The following ANK2 variants were observed in gnomAD, a reference collection of about 807,000 sequenced individuals.
The protein encoded by ANK2 is ankyrin 2.
Under a neutral mutation model 360.5 loss-of-function variants are expected in ANK2, and 83 were observed. That is an observed-to-expected ratio of 0.23 (90% CI 0.19 to 0.28). The LOEUF (loss-of-function observed/expected upper bound fraction) is 0.28. Among genes scored for constraint, ANK2 ranks in the 10% least tolerant of loss-of-function variants. The pLI, the probability that ANK2 is intolerant of heterozygous loss-of-function variation, is 1.00. For missense variants in ANK2, 4,201 were observed against 4,795.7 expected (o/e 0.88, Z 3.66); for synonymous variants, 1,740 against 1,759.5 (o/e 0.99, Z 0.28).
chr4:113,276,574 T>C (rs1195312620), intron 15 of ANK2, among the ~76,000 whole-genome samples: 2 of 152,094 alleles, frequency 1.3e-5, no homozygotes, highest in East Asian at 3.9e-4. Flanking sequence ...ATTGTGTGCA[T>C]TGAGTGGAGG....
At chr4:113,119,252 T>A (rs2095151967) in intron 1 of ANK2, among the ~76,000 whole-genome samples, 2 of 152,140 alleles carry the variant, frequency 1.3e-5, no homozygotes, top group Non-Finnish European at 1.5e-5. Context: ...GTTCCTCTTT[T>A]TTCATGTGCA....
the ANK2 span, among the ~76,000 whole-genome samples, chr4:112,736,673 A>C: frequency 1.1e-4 from 17 of 152,218 alleles, 1 homozygote; most frequent in South Asian, 3.3e-3. Flanking sequence ...CCTTGCAATC[A>C]CACTATTTCA....
the ANK2 span, among the ~76,000 whole-genome samples, chr4:112,810,330 C>T: frequency 6.6e-6 from 1 of 151,384 alleles, no homozygotes; most frequent in South Asian, 2.1e-4. Context: ...TAACTGAGCA[C>T]AATACTTTTA....
At chr4:112,763,292 G>T in the ANK2 span, among the ~76,000 whole-genome samples, 1 of 150,528 alleles carries the variant, frequency 6.6e-6, no homozygotes, top group Non-Finnish European at 1.5e-5. Context: ...TGCAGTGGGC[G>T]ATCTCCGCTC....
the ANK2 span, among the ~76,000 whole-genome samples, chr4:112,800,025 T>G: frequency 6.6e-6 from 1 of 152,082 alleles, no homozygotes; most frequent in Non-Finnish European, 1.5e-5. Flanking sequence ...GAAAATAATC[T>G]AGGAAGCAAT....
At chr4:113,101,746 G>T (rs908684835) in intron 1 of ANK2, among the ~76,000 whole-genome samples, 4 of 152,126 alleles carry the variant, frequency 2.6e-5, no homozygotes, top group Admixed American at 2.0e-4. Flanking sequence ...GAGGACACAG[G>T]TTTGTATAAG....
chr4:113,172,172 G>A (rs2097991334), intron 1 of ANK2, among the ~76,000 whole-genome samples: 1 of 152,170 alleles, frequency 6.6e-6, no homozygotes, highest in African/African-American at 2.4e-5. Context: ...GCATATAGAG[G>A]GGTGATAGTT....
chr4:112,839,097 A>C (rs1003850763), intron 1 of ANK2, among the ~76,000 whole-genome samples: 1 of 152,152 alleles, frequency 6.6e-6, no homozygotes, highest in Admixed American at 6.5e-5. Context: ...CTGTCCATGA[A>C]GACATTTTGC....
chr4:113,183,892 T>C (rs922293159), intron 2 of ANK2, among the ~76,000 whole-genome samples: 1 of 150,530 alleles, frequency 6.6e-6, no homozygotes, highest in Non-Finnish European at 1.5e-5. Context: ...AGGAATGGCA[T>C]CAAGAGGATA....
chr4:113,182,491 G>A (rs971593461), intron 2 of ANK2, among the ~76,000 whole-genome samples: 1 of 152,188 alleles, frequency 6.6e-6, no homozygotes, highest in Admixed American at 6.5e-5. Context: ...AGGTTCAGGG[G>A]CTTGGCCCTG....
chr4:113,277,638 A>C (rs1312463097), intron 15 of ANK2, among the ~76,000 whole-genome samples, 199 bp from the exon 16 acceptor site: 1 of 152,228 alleles, frequency 6.6e-6, no homozygotes, highest in Non-Finnish European at 1.5e-5. Flanking sequence ...TCTTTTATTC[A>C]GTCTATCAAG....
chr4:113,304,896 A>G (rs1436803277), intron 23 of ANK2, among the ~76,000 whole-genome samples: 2 of 152,184 alleles, frequency 1.3e-5, no homozygotes, highest in African/African-American at 4.8e-5. Flanking sequence ...AAGCAACTCT[A>G]TTACATGAAA....
chr4:112,750,947 G>A, the ANK2 span, among the ~76,000 whole-genome samples: 3 of 152,032 alleles, frequency 2.0e-5, no homozygotes, highest in East Asian at 1.9e-4. Flanking sequence ...GGCTGGCCTC[G>A]AACTCCTGAC....
At chr4:112,717,591 T>C in the ANK2 span, among the ~76,000 whole-genome samples, 1 of 152,332 alleles carries the variant, frequency 6.6e-6, no homozygotes, top group African/African-American at 2.4e-5. Context: ...TTATAAGGAC[T>C]AATCACTTCA....
chr4:112,781,952 C>T, the ANK2 span, among the ~76,000 whole-genome samples: 3 of 151,248 alleles, frequency 2.0e-5, no homozygotes, highest in Non-Finnish European at 4.4e-5. Flanking sequence ...GCCTCTGCCT[C>T]CCGAGTAGCT....
intron 2 of ANK2, among the ~76,000 whole-genome samples, chr4:112,983,579 G>T (rs1031556044): frequency 6.6e-5 from 10 of 152,002 alleles, no homozygotes; most frequent in Admixed American, 6.5e-4. Flanking sequence ...TGAGGCTGAG[G>T]CAGGAGAATT....
intron 4 of ANK2, among the ~76,000 whole-genome samples, chr4:113,206,038 T>G (rs1344551689): frequency 6.6e-6 from 1 of 152,038 alleles, no homozygotes; most frequent in East Asian, 1.9e-4. Context: ...ATTTTCAGGG[T>G]TTTCCCCCAA....
the ANK2 span, among the ~76,000 whole-genome samples, chr4:112,711,151 A>G: frequency 1.3e-5 from 2 of 148,640 alleles, no homozygotes; most frequent in Non-Finnish European, 3.0e-5. Context: ...AGTTGGGGTC[A>G]CCAGGCACAG....
At position 113,356,246 on chromosome 4, in the gene ANK2, C is replaced by CTGAAGAAGTCAGCTA; in HGVS notation, c.7632_7646dup (p.Glu2545_Glu2549dup). The CTGAAGAAGTCAGCTA allele has an allele frequency of 6.2e-7, 1 of 1,614,058 alleles. No individual in the cohort carries two copies. Among genetic ancestry groups the CTGAAGAAGTCAGCTA allele is most frequent in the Non-Finnish European group, 8.5e-7 (1 of 1,179,986 alleles). ...CCCCTTTCTCCTGACACCCCCAGCT[C>CTGAAGAAGTCAGCTA]TGAAGAAGTCAGCTATGAGGTTACA... On this transcript the variant is annotated inframe_insertion, in exon 38 of 46. Transcript: ENST00000357077.
Sources: allele counts gnomAD v4.1 joint callset (sites outside exome capture counted in the v4.1 genomes callset), GRCh38; gene constraint gnomAD v4.1.1; transcripts MANE v1.5; gene names NCBI Gene and HGNC (gene_info 2026-07-23, HGNC 2026-07-21).